Variants in UGGT2 observed in about 807,000 individuals in gnomAD.
UGGT2 encodes the protein UDP-glucose glycoprotein glucosyltransferase 2, also known as UDP-glucose:glycoprotein glucosyltransferase 2.
A neutral mutation model predicts 192.1 loss-of-function variants in UGGT2; 180 were observed. The ratio of observed to expected loss-of-function variants is 0.94; its 90% CI spans 0.83 to 1.06. The LOEUF (loss-of-function observed/expected upper bound fraction) is 1.06. UGGT2 is among the 50% of genes least tolerant of loss of function. UGGT2 has a pLI of 0.00. For missense variants in UGGT2, 1,849 were observed against 1,795.7 expected, an observed-to-expected ratio of 1.03 and a Z score of -0.54; for synonymous variants, 580 against 591.0, an observed-to-expected ratio of 0.98 and a Z score of 0.27.
intron 38 of UGGT2, among the ~76,000 whole-genome samples, chr13:95,811,404 C>T (rs1215483743): frequency 6.6e-6 from 1 of 152,250 alleles, no homozygotes; most frequent in African/African-American, 2.4e-5. Flanking sequence ...CTAGGCAAAT[C>T]TGTGGAGACA....
At chr13:96,023,860 C>T in intron 2 of UGGT2, 101 bp from the exon 3 acceptor site, 2 of 1,014,348 alleles carry the variant, frequency 2.0e-6, no homozygotes, top group South Asian at 2.5e-5. Context: ...ATAATCATAT[C>T]TGAAGTTTGG....
intron 15 of UGGT2, among the ~76,000 whole-genome samples, chr13:95,942,445 C>G (rs1253811380): frequency 6.6e-6 from 1 of 152,046 alleles, no homozygotes; most frequent in African/African-American, 2.4e-5. Flanking sequence ...TTTCTTAATT[C>G]CTGCCAAATT....
At chr13:95,966,591 GC>G (rs1304972519) in intron 12 of UGGT2, among the ~76,000 whole-genome samples, 3 of 152,074 alleles carry the variant, frequency 2.0e-5, no homozygotes, top group Non-Finnish European at 1.5e-5. Context: ...GATAAATACT[GC>G]TAGTGACGGA....
intron 4 of UGGT2, among the ~76,000 whole-genome samples, chr13:96,020,701 G>C (rs997319761): frequency 1.3e-5 from 2 of 152,130 alleles, no homozygotes; most frequent in Non-Finnish European, 2.9e-5. Context: ...GGGAAGAAAT[G>C]TAAGTATTGA....
chr13:95,849,719 A>G (rs1314996183), intron 36 of UGGT2, among the ~76,000 whole-genome samples: 1 of 151,832 alleles, frequency 6.6e-6, no homozygotes, highest in Non-Finnish European at 1.5e-5. Flanking sequence ...GTACATGTAC[A>G]AGTTTGCTAC....
intron 20 of UGGT2, among the ~76,000 whole-genome samples, chr13:95,925,334 A>G (rs945733580): frequency 6.6e-6 from 1 of 152,198 alleles, no homozygotes; most frequent in African/African-American, 2.4e-5. Flanking sequence ...AAAAATTGCT[A>G]TTACTAGCTA....
Position 96,043,893 on chromosome 13 carries a change from T to C in UGGT2, c.158+9262A>G, listed in dbSNP as rs1229552660. On this transcript the variant is annotated intron_variant, in intron 1 of 38. Coordinates refer to ENST00000376747, the MANE Select transcript of UGGT2 (RefSeq NM_020121.4). ...TTACTACTAGACTTAAGAAATGAGA[T>C]ACACAGTAACAAAATAATAGTTGGA... Among the ~76,000 whole-genome samples the C allele has an allele frequency of 3.3e-5, 5 of 152,164 alleles. No individual in the cohort carries two copies. The South Asian group carries it at 1.0e-3, about 32-fold the overall frequency.
chr13:96,008,914 G>A (rs1448736205), intron 5 of UGGT2, among the ~76,000 whole-genome samples: 1 of 152,176 alleles, frequency 6.6e-6, no homozygotes, highest in Non-Finnish European at 1.5e-5. Flanking sequence ...AGCCTGAATA[G>A]TCAAGGCAAT....
intron 5 of UGGT2, among the ~76,000 whole-genome samples, chr13:96,009,393 G>A (rs1179610527): frequency 6.6e-6 from 1 of 152,184 alleles, no homozygotes; most frequent in African/African-American, 2.4e-5. Context: ...ATTATCAACA[G>A]AGTAAACACG....
intron 4 of UGGT2, among the ~76,000 whole-genome samples, chr13:96,021,512 G>C (rs559973402): frequency 1.3e-5 from 2 of 151,970 alleles, no homozygotes; most frequent in Non-Finnish European, 2.9e-5. Flanking sequence ...TTCACTTTAC[G>C]AAAGTAGAAT....
At chr13:95,999,163 A>G (rs776332422) in intron 6 of UGGT2, 48 bp downstream of exon 6, 17 of 1,520,062 alleles carry the variant, frequency 1.1e-5, no homozygotes, top group Admixed American at 1.7e-5. Flanking sequence ...AAGTATGTAA[A>G]AGCCTCCAAC....
intron 38 of UGGT2, chr13:95,809,444 T>C: frequency 2.6e-6 from 1 of 378,476 alleles, no homozygotes. Context: ...TGCTCCTCCT[T>C]TCCCTTTTGT....
Position 95,940,015 on chromosome 13 carries a change from G to A in UGGT2, c.1754C>T (p.Pro585Leu), listed in dbSNP as rs757907583. 3.7e-6 allele frequency: 6 copies of A among 1,600,708 alleles called. No individual in the cohort carries two copies. Among genetic ancestry groups the A allele is most frequent in the Non-Finnish European group, 5.1e-6 (6 of 1,174,598 alleles). ...NVKSVLQNTF[P>L]HANIWDILGI... is the part of the protein sequence containing the mutation. ...CAAAATATCCCAAATATTAGCATGA[G>A]GAAATGTATTTTGGAGAACACTCTT... The change falls in exon 16 of 39, where the codon CCT becomes CTT. Residue 585 changes from proline to leucine, a missense_variant. By Grantham distance (98) the Pro-to-Leu change is moderately conservative. Transcript: ENST00000376747.
At chr13:95,861,394 C>T (rs764718434) in intron 31 of UGGT2, among the ~76,000 whole-genome samples, 3 of 152,002 alleles carry the variant, frequency 2.0e-5, no homozygotes, top group Non-Finnish European at 4.4e-5. Flanking sequence ...CTCCACCACG[C>T]AGGGTATGGA....
Position 95,884,653 on chromosome 13 carries a change from TTCTG to T in UGGT2, c.3062_3065del (p.Pro1021HisfsTer2). Reference sequence around the variant, plus strand: ...AAACGTCATTAGCCCCTGACATCAGTTCTGGTTCCAGAACAAAACGGTAAAAGCT... The same window carrying T: ...AAACGTCATTAGCCCCTGACATCAGTGTTCCAGAACAAAACGGTAAAAGCT... On this transcript the variant is annotated frameshift_variant, in exon 27 of 39. Coordinates refer to ENST00000376747, the MANE Select transcript of UGGT2 (RefSeq NM_020121.4). LOFTEE classifies it high-confidence loss of function. 6.2e-7 allele frequency: 1 copy of T among 1,613,184 alleles called. No individual in the cohort carries two copies. The highest frequency in any genetic ancestry group is 8.5e-7 in the Non-Finnish European group (1 of 1,179,636).
chr13:95,841,380 T>C (rs1887846589), intron 36 of UGGT2, among the ~76,000 whole-genome samples: 1 of 152,224 alleles, frequency 6.6e-6, no homozygotes, highest in African/African-American at 2.4e-5. Context: ...AGTGTACCCT[T>C]GACTGAAGAT....
At chr13:95,955,327 T>G (rs973565284) in intron 12 of UGGT2, among the ~76,000 whole-genome samples, 1 of 152,052 alleles carries the variant, frequency 6.6e-6, no homozygotes, top group African/African-American at 2.4e-5. Context: ...GGTAAATAGG[T>G]AGATTAGTTT....
chr13:95,895,326 T>G, intron 22 of UGGT2, 22 bp from the exon 23 acceptor site: 4 of 1,310,938 alleles, frequency 3.1e-6, no homozygotes, highest in Non-Finnish European at 4.2e-6. Flanking sequence ...AACAGTTATA[T>G]TATCATATAT....
At chr13:95,961,027 A>AT (rs2050374957) in intron 12 of UGGT2, among the ~76,000 whole-genome samples, 1 of 152,204 alleles carries the variant, frequency 6.6e-6, no homozygotes, top group South Asian at 2.1e-4. Flanking sequence ...CCTGCAAGAA[A>AT]TGCTTAAGGG....
Sources: allele counts gnomAD v4.1 joint callset (sites outside exome capture counted in the v4.1 genomes callset), GRCh38; gene constraint gnomAD v4.1.1; transcripts MANE v1.5; gene names NCBI Gene and HGNC (gene_info 2026-07-23, HGNC 2026-07-21).